Variants in SAMHD1 observed in about 807,000 individuals in gnomAD.
The protein encoded by SAMHD1 is deoxynucleoside triphosphate triphosphohydrolase SAMHD1.
In SAMHD1, 54 loss-of-function variants were observed where a neutral mutation model predicts 79.6. That is an observed-to-expected ratio of 0.68 (90% confidence interval 0.55 to 0.85). The LOEUF (loss-of-function observed/expected upper bound fraction) is 0.85, where lower values mean the gene tolerates loss of function less well. SAMHD1 is among the 40% of genes least tolerant of loss of function. The probability of loss-of-function intolerance (pLI) is 0.00; values close to 1 mark genes in which losing one functional copy is unlikely to be tolerated. For missense variants in SAMHD1, 663 were observed against 782.7 expected, an observed-to-expected ratio of 0.85 and a Z score of 1.82; for synonymous variants, 260 against 264.1, an observed-to-expected ratio of 0.98 and a Z score of 0.15.
chr20:36,889,991 T>C (rs1019566740), downstream of SAMHD1: 1 of 152,162 alleles, frequency 6.6e-6, no homozygotes, highest in Non-Finnish European at 1.5e-5. Context: ...TTACAGAATA[T>C]TGTCAAACCT....
At chr20:36,907,930 C>T in intron 11 of SAMHD1, among the ~76,000 whole-genome samples, 1 of 151,780 alleles carries the variant, frequency 6.6e-6, no homozygotes, top group Admixed American at 6.6e-5. Flanking sequence ...GGCTGGAATA[C>T]AGTGATGCCA....
intron 13 of SAMHD1, among the ~76,000 whole-genome samples, chr20:36,902,579 A>G (rs1990325238): frequency 6.6e-6 from 1 of 152,110 alleles, no homozygotes; most frequent in South Asian, 2.1e-4. Context: ...CTGTATAGTG[A>G]TGGTATCCAG....
chr20:36,935,621 A>T lies in SAMHD1; in HGVS notation c.349-432T>A, dbSNP rs372932038. ...AGTCTCACTGTGTTACCCAGGCTGGAGTGCAGTGGCACGATCTCAGCTCAC... is the reference window on the plus strand; with the variant it reads ...AGTCTCACTGTGTTACCCAGGCTGGTGTGCAGTGGCACGATCTCAGCTCAC... On this transcript the variant is annotated intron_variant, in intron 3 of 15. Transcript: ENST00000646673. Among the ~76,000 whole-genome samples the T allele has an allele frequency of 3.9e-3, 581 of 149,300 alleles. 2 individuals are homozygous for T. Among genetic ancestry groups the T allele is most frequent in the Middle Eastern group, 0.014 (4 of 284 alleles).
chr20:36,912,887 T>C (rs2063451967), intron 9 of SAMHD1, among the ~76,000 whole-genome samples: 1 of 129,300 alleles, frequency 7.7e-6, no homozygotes, highest in African/African-American at 3.1e-5. Context: ...CTTTCATTCT[T>C]TGTTTTTTTT....
intron 15 of SAMHD1, among the ~76,000 whole-genome samples, chr20:36,895,225 T>C (rs1990176253): frequency 6.6e-6 from 1 of 151,974 alleles, no homozygotes; most frequent in Non-Finnish European, 1.5e-5. Flanking sequence ...AAATGCATCA[T>C]GTTCTTTCTC....
chr20:36,930,059 C>G (rs2063558768), intron 5 of SAMHD1, among the ~76,000 whole-genome samples: 2 of 135,832 alleles, frequency 1.5e-5, no homozygotes, highest in African/African-American at 5.7e-5. Context: ...ATCCTGTTCT[C>G]CACAAAAAGG....
intron 13 of SAMHD1, among the ~76,000 whole-genome samples, chr20:36,902,424 C>T (rs1199479559): frequency 6.6e-6 from 1 of 152,150 alleles, no homozygotes; most frequent in Admixed American, 6.5e-5. Flanking sequence ...CTCAGGTGAT[C>T]GTCCGCCTCG....
At chr20:36,934,936 G>A in intron 4 of SAMHD1, 93 bp downstream of exon 4, 2 of 1,342,618 alleles carry the variant, frequency 1.5e-6, no homozygotes, top group Non-Finnish European at 2.1e-6. Flanking sequence ...GGGATTATAG[G>A]TGTGAGCCAC....
chr20:36,946,574 A>C (rs2063688005), intron 2 of SAMHD1, 164 bp downstream of exon 2: 1 of 603,306 alleles, frequency 1.7e-6, no homozygotes, highest in East Asian at 3.0e-5. Context: ...ACTATCTCAA[A>C]AAACAAATGA....
chr20:36,903,241 G>A (rs1238385916), intron 13 of SAMHD1, among the ~76,000 whole-genome samples: 3 of 152,066 alleles, frequency 2.0e-5, no homozygotes, highest in Non-Finnish European at 4.4e-5. Context: ...AATCTGCTGA[G>A]ACTATTGGCC....
intron 6 of SAMHD1, 128 bp from the exon 7 acceptor site, chr20:36,919,647 C>G: frequency 2.4e-6 from 2 of 845,384 alleles, no homozygotes; most frequent in South Asian, 1.5e-5. Flanking sequence ...TCTCTAGTTT[C>G]TAACCACAAT....
intron 2 of SAMHD1, chr20:36,946,475 T>C: frequency 5.1e-6 from 2 of 391,162 alleles, no homozygotes; most frequent in Non-Finnish European, 9.5e-6. Context: ...TAATCCTAGC[T>C]ACTCAGGAGG....
At chr20:36,931,621 A>C (rs924351810) in intron 4 of SAMHD1, among the ~76,000 whole-genome samples, 23 of 151,986 alleles carry the variant, frequency 1.5e-4, no homozygotes, top group African/African-American at 5.6e-4. Flanking sequence ...TGGGCAACAG[A>C]GCAAGATTCC....
chr20:36,946,760 G>A lies in SAMHD1; in HGVS notation c.253C>T (p.Arg85Cys), dbSNP rs765170388. The A allele has an allele frequency of 8.7e-6, 14 of 1,612,670 alleles. No homozygotes were observed. Among genetic ancestry groups the A allele is most frequent in the Non-Finnish European group, 1.1e-5 (13 of 1,179,116 alleles). The part of the protein sequence containing the change: ...GALLPCLDES[R>C]FENLGVSSLG... The stretch of plus-strand genomic sequence containing the variant: ...TACCTTACTCCAAGATTTTCAAAAC[G>A]AGACTCATCAAGACAAGGCAGTAAT... The change falls in exon 2 of 16, where the codon CGT becomes TGT. Residue 85 changes from arginine to cysteine, a missense_variant. Coordinates refer to ENST00000646673, the MANE Select transcript of SAMHD1 (RefSeq NM_015474.4).
At chr20:36,898,305 G>C (rs1990235666) in intron 14 of SAMHD1, 135 bp downstream of exon 14, 1 of 743,024 alleles carries the variant, frequency 1.3e-6, no homozygotes. Context: ...TGGGATTACA[G>C]GTATGAGCTA....
At chr20:36,934,452 G>A (rs932396325) in intron 4 of SAMHD1, among the ~76,000 whole-genome samples, 1 of 141,562 alleles carries the variant, frequency 7.1e-6, no homozygotes, top group Non-Finnish European at 1.5e-5. Context: ...GAACCTGGGA[G>A]GTCGAAGTTG....
At position 36,936,585 on chromosome 20, in the gene SAMHD1, C is replaced by A. The variant is rs531450150; in HGVS notation, c.349-1396G>T. On this transcript the variant is annotated intron_variant, in intron 3 of 15. Coordinates refer to ENST00000646673, the MANE Select transcript of SAMHD1 (RefSeq NM_015474.4). ...CCTCCCGAAGTGCTGGAATTACAGG[C>A]ATGAGCCACCGCGCCTGGCTAAAAT... Among the ~76,000 whole-genome samples, 6 of 152,166 alleles carry A rather than the reference C, an allele frequency of 3.9e-5. No homozygotes were observed. The East Asian group carries it at 1.2e-3, about 30-fold the overall frequency.
At chr20:36,903,916 AT>A (rs1347232820) in intron 13 of SAMHD1, 1 of 401,758 alleles carries the variant, frequency 2.5e-6, no homozygotes, top group African/African-American at 2.0e-5. Flanking sequence ...TACTTGTGTA[AT>A]TAAAAATTTT....
At chr20:36,927,096 G>A (rs1330549971) in intron 6 of SAMHD1, 86 bp downstream of exon 6, 3 of 1,151,942 alleles carry the variant, frequency 2.6e-6, no homozygotes, top group Non-Finnish European at 3.9e-6. Flanking sequence ...TTATAACACA[G>A]TAGTGGAACC....
Sources: gnomAD v4.1 joint callset for allele counts (sites outside exome capture counted in the v4.1 genomes callset) on GRCh38, gnomAD v4.1.1 for gene constraint, MANE v1.5 for transcripts, NCBI Gene and HGNC (gene_info 2026-07-23, HGNC 2026-07-21) for gene names.